Variants in TIFA observed in about 807,000 individuals in gnomAD.
TIFA encodes TRAF-interacting protein with FHA domain-containing protein A.
For missense variants in TIFA, 186 were observed against 215.2 expected (o/e 0.86, Z 0.85); for synonymous variants, 75 against 79.2 (o/e 0.95, Z 0.28).
In TIFA at chr4:112,280,352, T is replaced by C. The variant is rs1727205088; in HGVS notation, c.-18-1918A>G. ...ATCTTGCTGGCATTTCCTTTTTTTT[T>C]TTTTTTTTTTTTTTTGGAGACAGCG... is the stretch of plus-strand genomic sequence containing the variant. On this transcript the variant is annotated intron_variant, in intron 1 of 1. Coordinates refer to ENST00000361717, the MANE Select transcript of TIFA (RefSeq NM_052864.3). Among the ~76,000 whole-genome samples, 3 of 138,430 alleles carry C rather than the reference T, an allele frequency of 2.2e-5. No homozygotes were observed. The South Asian group carries it at 7.4e-4, about 34-fold the overall frequency. The allele number at this position is 138,430 out of a possible 152,430, so 90.8% of individuals were successfully genotyped here.
Position 112,277,671 on chromosome 4 carries a change from C to CTAGGTGAT in TIFA, c.*190_*191insATCACCTA. On this transcript the variant is annotated 3_prime_UTR_variant, in exon 2 of 2. Coordinates refer to ENST00000361717, the MANE Select transcript of TIFA (RefSeq NM_052864.3). ...GCAGTTAAAATAATTTTGTGTAGAT[C>CTAGGTGAT]CAGAATACAACAGGTGACTAAGTTA... 1 of 409,582 alleles carries CTAGGTGAT rather than the reference C, an allele frequency of 2.4e-6. No homozygotes were observed. Among genetic ancestry groups the CTAGGTGAT allele is most frequent in the Non-Finnish European group, 4.2e-6 (1 of 240,738 alleles). 25.4% of individuals were successfully genotyped at this position (409,582 alleles called of 1,614,324 possible).
rs1314664116 is a variant in TIFA at position 112,278,354 on chromosome 4, G to A, written c.63C>T (p.Tyr21=). 1.9e-6 allele frequency: 3 copies of A among 1,607,874 alleles called. No homozygotes were observed. Among genetic ancestry groups the A allele is most frequent in the Non-Finnish European group, 2.5e-6 (3 of 1,177,222 alleles). ...ETVTCLQMTV[Y]HPGQLQCGIF... ...TTCCACACTGCAACTGGCCAGGATG[G>A]TAAACCGTCATCTGGAGACAAGTTA... is the stretch of plus-strand genomic sequence containing the variant. Residue 21 remains tyrosine (Y), a synonymous_variant, in exon 2 of 2, where the codon TAC becomes TAT. Coordinates refer to ENST00000361717, the MANE Select transcript of TIFA (RefSeq NM_052864.3).
At chr4:112,284,234 T>G (rs1410802701) in intron 1 of TIFA, among the ~76,000 whole-genome samples, 6 of 151,988 alleles carry the variant, frequency 3.9e-5, no homozygotes, top group Admixed American at 6.6e-5. Context: ...TGGATACGTG[T>G]AGAGGTGCTA....
At chr4:112,279,688 T>G (rs1727187819) in intron 1 of TIFA, among the ~76,000 whole-genome samples, 1 of 151,908 alleles carries the variant, frequency 6.6e-6, no homozygotes, top group Admixed American at 6.6e-5. Context: ...TTTTTTTTTT[T>G]TGAGACAGGT....
rs1302572317 is a variant in TIFA, at chr4:112,277,988, T to TA, written c.428dup (p.Leu143PhefsTer39). 1.2e-6 allele frequency: 2 copies of TA among 1,613,970 alleles called. No homozygotes were observed. The highest frequency in any genetic ancestry group is 1.7e-6 in the Non-Finnish European group (2 of 1,180,004). On this transcript the variant is annotated frameshift_variant, in exon 2 of 2. Coordinates refer to ENST00000361717, the MANE Select transcript of TIFA (RefSeq NM_052864.3). LOFTEE classifies it low-confidence loss of function (END_TRUNC). ...TTTCTTGCAAGAGTGATCTTGGAGA[T>TA]AAAATAAATTGAGTCTCAAAAAATT...
Position 112,275,529 on chromosome 4 carries a change from C to T in TIFA, c.*2333G>A, listed in dbSNP as rs1421211137. On this transcript the variant is annotated 3_prime_UTR_variant, in exon 2 of 2. Transcript: ENST00000361717. Reference sequence around the variant, plus strand: ...TAAAGCGTTCATTATTATTTACTACCGGAGTTGGGCTATGGAAAGTGTTTC... The same window carrying T: ...TAAAGCGTTCATTATTATTTACTACTGGAGTTGGGCTATGGAAAGTGTTTC... 5 of 152,116 alleles carry T rather than the reference C, an allele frequency of 3.3e-5. No homozygotes were observed. Among genetic ancestry groups the T allele is most frequent in the Non-Finnish European group, 7.4e-5 (5 of 68,026 alleles). 9.4% of individuals were successfully genotyped at this position (152,116 alleles called of 1,614,324 possible).
intron 1 of TIFA, among the ~76,000 whole-genome samples, chr4:112,279,085 T>C (rs1265238631): frequency 1.3e-5 from 2 of 152,238 alleles, no homozygotes; most frequent in Non-Finnish European, 2.9e-5. Context: ...CTTTTAAGAA[T>C]ATAAGTCTCC....
At chr4:112,279,951 G>A (rs552273586) in intron 1 of TIFA, among the ~76,000 whole-genome samples, 6 of 152,306 alleles carry the variant, frequency 3.9e-5, no homozygotes, top group South Asian at 2.1e-4. Flanking sequence ...TTACAGGCGT[G>A]AGCCACTATG....
In TIFA at chr4:112,277,271, G is replaced by C. The variant is rs1029275454; in HGVS notation, c.*591C>G. ...CTTAGATGCTGAATATAGACAAAGAGAACTGTCATCTTAGGAGTAAACACA... is the reference window on the plus strand; with the variant it reads ...CTTAGATGCTGAATATAGACAAAGACAACTGTCATCTTAGGAGTAAACACA... On this transcript the variant is annotated 3_prime_UTR_variant, in exon 2 of 2. Coordinates refer to ENST00000361717, the MANE Select transcript of TIFA (RefSeq NM_052864.3). 3 of 152,150 alleles carry C rather than the reference G, an allele frequency of 2.0e-5. No individual in the cohort carries two copies. The highest frequency in any genetic ancestry group is 4.4e-5 in the Non-Finnish European group (3 of 68,012). 9.4% of individuals were successfully genotyped at this position (152,150 alleles called of 1,614,324 possible).
At chr4:112,284,663 G>A (rs1578433568) in intron 1 of TIFA, among the ~76,000 whole-genome samples, 2 of 151,840 alleles carry the variant, frequency 1.3e-5, no homozygotes, top group Admixed American at 1.3e-4. Context: ...ATGTCTTTGG[G>A]TGGTTGCAAG....
At chr4:112,281,409 G>T (rs1201068463) in intron 1 of TIFA, among the ~76,000 whole-genome samples, 1 of 152,172 alleles carries the variant, frequency 6.6e-6, no homozygotes, top group Non-Finnish European at 1.5e-5. Flanking sequence ...CCCCAGGACA[G>T]ATATATTATC....
chr4:112,277,683 AGG>A lies in TIFA; in HGVS notation c.*177_*178del. 7.5e-6 allele frequency: 3 copies of A among 397,840 alleles called. No individual in the cohort carries two copies. The highest frequency in any genetic ancestry group is 2.2e-4 in the South Asian group (2 of 9,084). 24.6% of individuals were successfully genotyped at this position (397,840 alleles called of 1,614,324 possible). Reference sequence around the variant, plus strand: ...ATTTTGTGTAGATCCAGAATACAACAGGTGACTAAGTTAATGACTAACACAAT... The same window carrying A: ...ATTTTGTGTAGATCCAGAATACAACATGACTAAGTTAATGACTAACACAAT... On this transcript the variant is annotated 3_prime_UTR_variant, in exon 2 of 2. Transcript: ENST00000361717.
At position 112,277,689 on chromosome 4, in the gene TIFA, C is replaced by CGTA; in HGVS notation, c.*172_*173insTAC. 7 of 445,508 alleles carry CGTA rather than the reference C, an allele frequency of 1.6e-5. No homozygotes were observed. The highest frequency in any genetic ancestry group is 2.8e-5 in the African/African-American group (1 of 35,512). The allele number at this position is 445,508 out of a possible 1,614,324, so 27.6% of individuals were successfully genotyped here. A position where few individuals can be genotyped will look rare whatever the true frequency, so the allele number is the denominator to read the frequency against. The stretch of plus-strand genomic sequence containing the variant: ...TGTAGATCCAGAATACAACAGGTGA[C>CGTA]TAAGTTAATGACTAACACAATTTAC... On this transcript the variant is annotated 3_prime_UTR_variant, in exon 2 of 2. Transcript: ENST00000361717.
At chr4:112,283,260 C>A (rs1207573036) in intron 1 of TIFA, among the ~76,000 whole-genome samples, 1 of 152,158 alleles carries the variant, frequency 6.6e-6, no homozygotes, top group Non-Finnish European at 1.5e-5. Flanking sequence ...CAGCAAGGCA[C>A]CAAACAAGAA....
intron 1 of TIFA, among the ~76,000 whole-genome samples, chr4:112,284,540 C>G (rs770481604): frequency 1.2e-3 from 185 of 152,264 alleles, no homozygotes; most frequent in Non-Finnish European, 1.9e-3. Context: ...TTTTTTAAAA[C>G]AGGATTGACC....
At chr4:112,283,524 C>G (rs541137428) in intron 1 of TIFA, among the ~76,000 whole-genome samples, 52 of 152,232 alleles carry the variant, frequency 3.4e-4, no homozygotes, top group Non-Finnish European at 6.8e-4. Context: ...ACAAAGTGAC[C>G]TGAACACTCT....
At chr4:112,281,342 C>T (rs182582181) in intron 1 of TIFA, among the ~76,000 whole-genome samples, 2 of 152,300 alleles carry the variant, frequency 1.3e-5, no homozygotes, top group East Asian at 1.9e-4. Context: ...ATAATTCAGT[C>T]TTCTGAGCAA....
chr4:112,285,460 C>G (rs559707922), intron 1 of TIFA, 180 bp downstream of exon 1: 1 of 152,272 alleles, frequency 6.6e-6, no homozygotes, highest in African/African-American at 2.4e-5. Flanking sequence ...GAGGTGCTGT[C>G]TATAATTTTT....
chr4:112,280,843 C>G (rs1313459928), intron 1 of TIFA, among the ~76,000 whole-genome samples: 1 of 152,140 alleles, frequency 6.6e-6, no homozygotes, highest in African/African-American at 2.4e-5. Context: ...TCATATTGCT[C>G]TACCCAAGCA....
Sources: gnomAD v4.1 joint callset for allele counts (sites outside exome capture counted in the v4.1 genomes callset) on GRCh38, gnomAD v4.1.1 for gene constraint, MANE v1.5 for transcripts, NCBI Gene and HGNC (gene_info 2026-07-23, HGNC 2026-07-21) for gene names.